The following DOCK8 variants were observed in gnomAD, a reference collection of about 807,000 sequenced individuals.
The protein encoded by DOCK8 is dedicator of cytokinesis 8, also known as dedicator of cytokinesis protein 8.
Under a neutral mutation model 245.6 loss-of-function variants are expected in DOCK8, and 141 were observed. The ratio of observed to expected loss-of-function variants is 0.57; its 90% CI spans 0.50 to 0.66. The LOEUF is 0.66. Among genes scored for constraint, DOCK8 ranks in the 30% least tolerant of loss-of-function variants. The pLI is 0.00. For synonymous variants in DOCK8, 1,168 were observed against 970.2 expected (o/e 1.20, Z -3.79); for missense variants, 2,965 against 2,603.4 (o/e 1.14, Z -3.02).
At chr9:434,661 A>C (rs2056833818) in intron 38 of DOCK8, 122 bp from the exon 39 acceptor site, 4 of 983,066 alleles carry the variant, frequency 4.1e-6, no homozygotes, top group South Asian at 1.4e-5. Context: ...ATAGGGCAAA[A>C]TCTCAGGTGG....
intron 28 of DOCK8, among the ~76,000 whole-genome samples, chr9:407,898 G>A (rs1304635384): frequency 6.6e-6 from 1 of 152,124 alleles, no homozygotes; most frequent in Admixed American, 6.5e-5. Context: ...AAGATGATTA[G>A]GATTGCAAAG....
intron 6 of DOCK8, among the ~76,000 whole-genome samples, chr9:313,402 C>T (rs942739906): frequency 1.7e-4 from 26 of 152,204 alleles, no homozygotes; most frequent in Admixed American, 1.0e-3. Context: ...TGAATTTACT[C>T]CAGCTTTCTT....
chr9:241,188 A>G (rs181183466), intron 1 of DOCK8, among the ~76,000 whole-genome samples: 5 of 152,316 alleles, frequency 3.3e-5, no homozygotes, highest in Admixed American at 3.3e-4. Flanking sequence ...CAGGACAATT[A>G]GCATATCCAT....
At chr9:385,959 G>A (rs1321276343) in intron 22 of DOCK8, among the ~76,000 whole-genome samples, 1 of 152,150 alleles carries the variant, frequency 6.6e-6, no homozygotes, top group Non-Finnish European at 1.5e-5. Flanking sequence ...ATGTATTGGT[G>A]TTTAGGAGAC....
chr9:259,758 C>G (rs1447363082), intron 1 of DOCK8, among the ~76,000 whole-genome samples: 1 of 152,212 alleles, frequency 6.6e-6, no homozygotes, highest in Non-Finnish European at 1.5e-5. Context: ...TATTTTTAGT[C>G]TATGCATTTG....
intron 26 of DOCK8, among the ~76,000 whole-genome samples, chr9:401,558 G>A (rs1406774515): frequency 1.3e-5 from 2 of 152,120 alleles, no homozygotes; most frequent in Non-Finnish European, 2.9e-5. Context: ...GAGATTTTAT[G>A]GGGTCTGCAA....
intron 7 of DOCK8, among the ~76,000 whole-genome samples, chr9:322,908 C>G (rs937074222): frequency 6.6e-6 from 1 of 151,950 alleles, no homozygotes; most frequent in Non-Finnish European, 1.5e-5. Flanking sequence ...GCCTGGACAA[C>G]ATGGTAAGAC....
intron 39 of DOCK8, among the ~76,000 whole-genome samples, chr9:438,379 A>G (rs67028159): frequency 0.12 from 17,573 of 152,222 alleles, 1,176 homozygotes; most frequent in African/African-American, 0.18. Context: ...CATGTGTGCC[A>G]CCTGTTTGTA....
intron 29 of DOCK8, among the ~76,000 whole-genome samples, chr9:415,764 T>G (rs940769841): frequency 2.0e-5 from 3 of 152,294 alleles, no homozygotes; most frequent in African/African-American, 7.2e-5. Flanking sequence ...AGGGAAGTTT[T>G]GGAAATGTCC....
intron 43 of DOCK8, among the ~76,000 whole-genome samples, chr9:444,123 A>G (rs535000985): frequency 6.6e-6 from 1 of 151,942 alleles, no homozygotes; most frequent in South Asian, 2.1e-4. Context: ...GGTATGTTCC[A>G]TTTCACCCCA....
At chr9:412,928 A>T (rs1427907581) in intron 28 of DOCK8, among the ~76,000 whole-genome samples, 1 of 151,798 alleles carries the variant, frequency 6.6e-6, no homozygotes, top group Non-Finnish European at 1.5e-5. Flanking sequence ...TTCGTGTGGA[A>T]ATTCAAGGGA....
At chr9:399,726 G>C (rs77986403) in intron 26 of DOCK8, among the ~76,000 whole-genome samples, 2,089 of 151,980 alleles carry the variant, frequency 0.014, 46 homozygotes, top group African/African-American at 0.048. Flanking sequence ...TAATTTCACT[G>C]AGCACATAGC....
At chr9:330,644 A>G (rs1177347046) in intron 9 of DOCK8, among the ~76,000 whole-genome samples, 1 of 152,170 alleles carries the variant, frequency 6.6e-6, no homozygotes, top group African/African-American at 2.4e-5. Flanking sequence ...TAAACAATAA[A>G]TGGCCATGAA....
At chr9:286,777 G>C (rs2048841600) in intron 3 of DOCK8, 141 bp downstream of exon 3, 1 of 843,158 alleles carries the variant, frequency 1.2e-6, no homozygotes, top group Non-Finnish European at 1.9e-6. Flanking sequence ...ACAGCTATAT[G>C]ATATCATCAT....
rs117640005 is a variant in DOCK8 at position 343,212 on chromosome 9, C to T, written c.1679+2891C>T. Reference sequence around the variant, plus strand: ...GGTTCCTTGAGGTCAAAAATTACAGCGAGGTGGCCAGACACAGTGGCTCAC... The same window carrying T: ...GGTTCCTTGAGGTCAAAAATTACAGTGAGGTGGCCAGACACAGTGGCTCAC... On this transcript the variant is annotated intron_variant, in intron 14 of 47. Transcript: ENST00000432829. Among the ~76,000 whole-genome samples the T allele has an allele frequency of 6.6e-5, 10 of 152,210 alleles. 1 individual carries two copies. The highest frequency in any genetic ancestry group is 1.2e-4 in the African/African-American group (5 of 41,532).
chr9:460,550 C>G (rs1262182142), intron 46 of DOCK8: 2 of 152,206 alleles, frequency 1.3e-5, no homozygotes, highest in African/African-American at 4.8e-5. Context: ...GGCCATATGC[C>G]TTCCCTTCTA....
intron 27 of DOCK8, among the ~76,000 whole-genome samples, chr9:406,493 A>G (rs1285588830): frequency 1.2e-5 from 1 of 83,268 alleles, no homozygotes; most frequent in African/African-American, 3.2e-5. Context: ...TCTTTCAAAA[A>G]AAAAAAAAAA....
chr9:357,208 A>G (rs2052487295), intron 14 of DOCK8, among the ~76,000 whole-genome samples: 1 of 152,248 alleles, frequency 6.6e-6, no homozygotes. Flanking sequence ...CTTATCTCAT[A>G]GAAAAGAATG....
intron 15 of DOCK8, 99 bp downstream of exon 15, chr9:368,234 A>C: frequency 9.8e-7 from 1 of 1,015,782 alleles, no homozygotes. Flanking sequence ...AAGTCCGTCT[A>C]TTCCAGGCCA....
Sources: allele counts gnomAD v4.1 joint callset (sites outside exome capture counted in the v4.1 genomes callset), GRCh38; gene constraint gnomAD v4.1.1; transcripts MANE v1.5; gene names NCBI Gene and HGNC (gene_info 2026-07-23, HGNC 2026-07-21).